Variants in PPARG observed in about 807,000 individuals in gnomAD.
PPARG encodes the protein peroxisome proliferator activated receptor gamma, also known as peroxisome proliferator-activated receptor gamma.
A neutral mutation model predicts 39.2 loss-of-function variants in PPARG; 17 were observed. The observed-to-expected ratio is 0.43, with a 90% CI of 0.30 to 0.65. PPARG has a LOEUF of 0.65. Among genes scored for constraint, PPARG ranks in the 30% least tolerant of loss-of-function variants. The pLI is 0.13. For missense variants in PPARG, 406 were observed against 585.9 expected (o/e 0.69, Z 3.17); for synonymous variants, 223 against 215.7 (o/e 1.03, Z -0.30).
intron 1 of PPARG, among the ~76,000 whole-genome samples, chr3:12,292,042 C>G (rs1452951538): frequency 6.6e-6 from 1 of 152,168 alleles, no homozygotes; most frequent in Admixed American, 6.5e-5. Flanking sequence ...AACTCTTTTA[C>G]CAATGTTAAT....
At chr3:12,304,122 C>T (rs1338991723) in intron 1 of PPARG, among the ~76,000 whole-genome samples, 3 of 152,164 alleles carry the variant, frequency 2.0e-5, no homozygotes, top group African/African-American at 4.8e-5. Context: ...TCCTCTTTCA[C>T]GTGATGTGTG....
At chr3:12,359,367 G>A (rs2048764420) in intron 2 of PPARG, among the ~76,000 whole-genome samples, 1 of 152,118 alleles carries the variant, frequency 6.6e-6, no homozygotes, top group Non-Finnish European at 1.5e-5. Flanking sequence ...TAACTTCTAA[G>A]AAGCAAGGTT....
chr3:12,374,872 A>G (rs1003132886), intron 2 of PPARG, among the ~76,000 whole-genome samples: 4 of 152,228 alleles, frequency 2.6e-5, no homozygotes, highest in Non-Finnish European at 2.9e-5. Flanking sequence ...AAAGGCTACT[A>G]TGAAAAGCAA....
At chr3:12,406,674 G>A (rs1479682650) in intron 6 of PPARG, 2 of 158,318 alleles carry the variant, frequency 1.3e-5, no homozygotes, top group Admixed American at 6.1e-5. Flanking sequence ...CGAGTAGCTG[G>A]GATTACAGGT....
intron 2 of PPARG, among the ~76,000 whole-genome samples, chr3:12,364,738 T>C (rs1329687762): frequency 6.6e-6 from 1 of 152,246 alleles, no homozygotes; most frequent in Admixed American, 6.5e-5. Context: ...TTAGCCATTC[T>C]ATTTGTAGTG....
rs13306747 is a variant in PPARG at position 12,416,775 on chromosome 3, C to T, written c.801C>T (p.Pro267=). ...AAATCAAGTTCAAACACATCACCCCCCTGCAGGAGCAGAGCAAAGAGGTGG... is the reference window on the plus strand; with the variant it reads ...AAATCAAGTTCAAACACATCACCCCTCTGCAGGAGCAGAGCAAAGAGGTGG... The part of the protein sequence containing the change: ...EDKIKFKHIT[P]LQEQSKEVAI... Residue 267 remains proline, a synonymous_variant, in exon 7 of 8, where the codon CCC becomes CCT. Coordinates refer to ENST00000651735, the MANE Select transcript of PPARG (RefSeq NM_138711.6). The T allele has an allele frequency of 1.2e-4, 188 of 1,614,046 alleles. No homozygotes were observed. The highest frequency in any genetic ancestry group is 1.5e-4 in the Non-Finnish European group (182 of 1,179,966).
intron 7 of PPARG, among the ~76,000 whole-genome samples, chr3:12,429,570 AAAAG>A: frequency 1.3e-5 from 2 of 149,756 alleles, no homozygotes; most frequent in South Asian, 2.1e-4. Context: ...AAAAAAAAAA[AAAAG>A]AAGCAGGTGG....
chr3:12,355,561 A>G lies in PPARG; in HGVS notation c.-8-24143A>G, dbSNP rs573431599. ...ATCATTTTTTTCTGACTTAACTCTG[A>G]TTAACCTCTTTTTTCATCACCAGTA... On this transcript the variant is annotated intron_variant, in intron 2 of 7. Transcript: ENST00000651735. 9.2e-5 allele frequency among the ~76,000 whole-genome samples: 14 copies of G among 152,112 alleles called. 1 individual carries two copies. The highest frequency in any genetic ancestry group is 9.2e-4 in the Admixed American group (14 of 15,280).
At chr3:12,339,613 G>A (rs1212539047) in intron 2 of PPARG, among the ~76,000 whole-genome samples, 1 of 152,186 alleles carries the variant, frequency 6.6e-6, no homozygotes, top group African/African-American at 2.4e-5. Context: ...ACCAAAGAAT[G>A]GATCCAGTAA....
At chr3:12,372,975 C>G (rs987821147) in intron 2 of PPARG, among the ~76,000 whole-genome samples, 4 of 152,202 alleles carry the variant, frequency 2.6e-5, no homozygotes, top group African/African-American at 7.2e-5. Context: ...ACCACTGATG[C>G]AACACAACTC....
chr3:12,365,495 G>A (rs2048987199), intron 2 of PPARG, among the ~76,000 whole-genome samples: 1 of 151,912 alleles, frequency 6.6e-6, no homozygotes, highest in Admixed American at 6.6e-5. Flanking sequence ...TCTTCAGGGA[G>A]TTTTATAGTT....
At chr3:12,387,558 TG>T (rs894456939) in intron 4 of PPARG, among the ~76,000 whole-genome samples, 4 of 152,010 alleles carry the variant, frequency 2.6e-5, no homozygotes, top group African/African-American at 9.7e-5. Context: ...ACCCACTTTT[TG>T]ATGGGGTTGT....
At chr3:12,426,436 C>G (rs2051450072) in intron 7 of PPARG, among the ~76,000 whole-genome samples, 1 of 152,120 alleles carries the variant, frequency 6.6e-6, no homozygotes, top group South Asian at 2.1e-4. Context: ...ATCCATGGCT[C>G]AGACCTCTGA....
Position 12,323,321 on chromosome 3 carries a change from T to A in PPARG, c.-9+10868T>A, listed in dbSNP as rs143081860. ...TAGGTGACCAGACCTCGATTCAGATTTTAGAATCAGACTCTTTGATTTGGT... is the reference window on the plus strand; with the variant it reads ...TAGGTGACCAGACCTCGATTCAGATATTAGAATCAGACTCTTTGATTTGGT... On this transcript the variant is annotated intron_variant, in intron 2 of 7. Transcript: ENST00000651735. Among the ~76,000 whole-genome samples, 798 of 152,294 alleles carry A rather than the reference T, an allele frequency of 5.2e-3. 7 individuals carry two copies. Among genetic ancestry groups the A allele is most frequent in the African/African-American group, 0.018 (752 of 41,550 alleles).
intron 2 of PPARG, among the ~76,000 whole-genome samples, chr3:12,370,502 C>A (rs2125142995): frequency 6.6e-6 from 1 of 152,134 alleles, no homozygotes; most frequent in South Asian, 2.1e-4. Flanking sequence ...TGATAAAAGG[C>A]AAATATGCAG....
At position 12,293,739 on chromosome 3, in the gene PPARG, G is replaced by A. The variant is rs540736450; in HGVS notation, c.-83+4605G>A. Among the ~76,000 whole-genome samples the A allele has an allele frequency of 3.9e-5, 6 of 152,246 alleles. No individual in the cohort carries two copies. In the East Asian group the frequency reaches 9.6e-4, roughly 24 times the overall value. On this transcript the variant is annotated intron_variant, in intron 1 of 7. Coordinates refer to ENST00000651735, the MANE Select transcript of PPARG (RefSeq NM_138711.6). ...TACTAAAGGAGATAATTTGGGCAAG[G>A]GAATGGAAAGAGGTTACTTTTTCAT...
intron 5 of PPARG, among the ~76,000 whole-genome samples, chr3:12,395,711 A>G (rs1330234217): frequency 1.3e-5 from 2 of 152,206 alleles, no homozygotes; most frequent in East Asian, 3.8e-4. Flanking sequence ...ACACGTTCTT[A>G]ATTATTTTGG....
chr3:12,406,571 A>G (rs1236287278), intron 6 of PPARG: 1 of 80,780 alleles, frequency 1.2e-5, no homozygotes, highest in Non-Finnish European at 2.5e-5. Context: ...ATGTCGTCTC[A>G]CTTTGTCGCC....
At chr3:12,390,707 CAT>C (rs1466841812) in intron 4 of PPARG, among the ~76,000 whole-genome samples, 2 of 127,704 alleles carry the variant, frequency 1.6e-5, no homozygotes, top group East Asian at 5.5e-4. Flanking sequence ...GTGGTGCAAT[CAT>C]AACTTGGCTT....
Sources: gnomAD v4.1 joint callset for allele counts (sites outside exome capture counted in the v4.1 genomes callset) on GRCh38, gnomAD v4.1.1 for gene constraint, MANE v1.5 for transcripts, NCBI Gene and HGNC (gene_info 2026-07-23, HGNC 2026-07-21) for gene names.